The following PDGFD variants were observed in gnomAD, a reference collection of about 807,000 sequenced individuals.
PDGFD encodes the protein platelet-derived growth factor D.
Under a neutral mutation model 44.7 loss-of-function variants are expected in PDGFD, and 30 were observed. That is an observed-to-expected ratio of 0.67 (90% CI 0.50 to 0.91). PDGFD has a LOEUF of 0.91. Among genes scored for constraint, PDGFD ranks in the 40% least tolerant of loss-of-function variants. PDGFD has a pLI of 0.00. For synonymous variants in PDGFD, 173 were observed against 168.4 expected (o/e 1.03, Z -0.21); for missense variants, 445 against 457.8 (o/e 0.97, Z 0.25).
At chr11:104,100,371 G>T (rs184607812) in intron 1 of PDGFD, among the ~76,000 whole-genome samples, 12 of 152,244 alleles carry the variant, frequency 7.9e-5, no homozygotes, top group African/African-American at 1.9e-4. Context: ...TAGAAGAAAT[G>T]GATAAATTAC....
intron 1 of PDGFD, among the ~76,000 whole-genome samples, chr11:104,032,201 T>A (rs866560981): frequency 1.0e-3 from 150 of 149,240 alleles, no homozygotes; most frequent in African/African-American, 3.1e-3. Context: ...ACAACAAAAA[T>A]AATGAATAAA....
intron 1 of PDGFD, among the ~76,000 whole-genome samples, chr11:104,146,949 T>C (rs967926680): frequency 1.3e-5 from 2 of 148,420 alleles, no homozygotes; most frequent in East Asian, 2.0e-4. Context: ...ATAAATGATA[T>C]AATTTCAGGT....
chr11:104,143,993 CATCTT>C (rs68126122), intron 1 of PDGFD, among the ~76,000 whole-genome samples: 31,492 of 151,964 alleles, frequency 0.21, 3,273 homozygotes, highest in East Asian at 0.27. Context: ...GATGTCATCT[CATCTT>C]GGCTTCCAAC....
rs182526239 is a variant in PDGFD at position 104,034,215 on chromosome 11, C to G, written c.125-33960G>C. On this transcript the variant is annotated intron_variant, in intron 1 of 6. Transcript: ENST00000393158. ...CACTACTGTGGTATTTTTTACCCTT[C>G]AATTTGTGTGTGTGCATGTGCTCTA... Among the ~76,000 whole-genome samples the G allele has an allele frequency of 3.9e-5, 6 of 152,270 alleles. No homozygotes were observed. In the East Asian group the frequency reaches 1.2e-3, roughly 29 times the overall value.
intron 6 of PDGFD, among the ~76,000 whole-genome samples, chr11:103,911,043 T>C (rs4444041): frequency 0.46 from 69,424 of 151,824 alleles, 15,946 homozygotes; most frequent in South Asian, 0.49. Context: ...GATTCCTCCT[T>C]TTTGGGCAGG....
At chr11:103,953,774 G>A (rs1216804377) in intron 3 of PDGFD, among the ~76,000 whole-genome samples, 1 of 152,148 alleles carries the variant, frequency 6.6e-6, no homozygotes, top group Non-Finnish European at 1.5e-5. Flanking sequence ...TTCCCTGGTA[G>A]GAAATAAAAG....
rs577989229 is a variant in PDGFD, at chr11:104,132,272, C to T, written c.124+31532G>A. Among the ~76,000 whole-genome samples, 259 of 152,154 alleles carry T rather than the reference C, an allele frequency of 1.7e-3. 2 individuals are homozygous for T. The highest frequency in any genetic ancestry group is 6.0e-3 in the African/African-American group (248 of 41,526). ...AAGTTCTAATAAAAGTCACCTGAAA[C>T]CTTGCATATTTTTAAAAATTTGCAC... On this transcript the variant is annotated intron_variant, in intron 1 of 6. Transcript: ENST00000393158.
intron 1 of PDGFD, among the ~76,000 whole-genome samples, chr11:104,035,478 C>T (rs538030283): frequency 6.6e-6 from 1 of 150,944 alleles, no homozygotes; most frequent in Non-Finnish European, 1.5e-5. Flanking sequence ...CAAGAAGCCT[C>T]TTCCTTAAGT....
chr11:104,131,582 C>T lies in PDGFD; in HGVS notation c.124+32222G>A, dbSNP rs549910919. On this transcript the variant is annotated intron_variant, in intron 1 of 6. Transcript: ENST00000393158. ...CTACACCATAATAAGTATTCCAAAA[C>T]GTATTCATTAAAAGAATGATAAGTG... is the stretch of plus-strand genomic sequence containing the variant. Among the ~76,000 whole-genome samples, 87 of 152,128 alleles carry T rather than the reference C, an allele frequency of 5.7e-4. 1 individual carries two copies. The highest frequency in any genetic ancestry group is 1.1e-3 in the Non-Finnish European group (73 of 67,956).
chr11:103,955,311 T>C lies in PDGFD; in HGVS notation c.511-7587A>G, dbSNP rs1345358925. ...CATGACCCACTGAGGGAAATCCAAA[T>C]AAAGCCAAACTTGGAGGCCTGTGTC... is the stretch of plus-strand genomic sequence containing the variant. On this transcript the variant is annotated intron_variant, in intron 3 of 6. Coordinates refer to ENST00000393158, the MANE Select transcript of PDGFD (RefSeq NM_025208.5). Among the ~76,000 whole-genome samples, 7 of 149,116 alleles carry C rather than the reference T, an allele frequency of 4.7e-5. No homozygotes were observed. The East Asian group carries it at 8.5e-4, about 18-fold the overall frequency.
chr11:103,983,481 G>A (rs1227266593), intron 3 of PDGFD, among the ~76,000 whole-genome samples: 1 of 150,192 alleles, frequency 6.7e-6, no homozygotes, highest in Non-Finnish European at 1.5e-5. Context: ...AGACAACTTA[G>A]GCAATACCAT....
intron 1 of PDGFD, among the ~76,000 whole-genome samples, chr11:104,006,895 T>A (rs1205574141): frequency 1.3e-5 from 2 of 152,184 alleles, no homozygotes; most frequent in Non-Finnish European, 2.9e-5. Flanking sequence ...AACCTGATTC[T>A]TCCTGGATGC....
chr11:104,014,654 G>A (rs937039280), intron 1 of PDGFD, among the ~76,000 whole-genome samples: 5 of 152,156 alleles, frequency 3.3e-5, no homozygotes, highest in African/African-American at 1.2e-4. Context: ...ATGGGATTGT[G>A]TGTGCCTACA....
intron 1 of PDGFD, among the ~76,000 whole-genome samples, chr11:104,110,256 T>C (rs1861533044): frequency 6.6e-6 from 1 of 152,044 alleles, no homozygotes; most frequent in African/African-American, 2.4e-5. Context: ...AATGAGGCTC[T>C]TTCTATACAT....
chr11:103,971,418 C>G (rs1012320974), intron 3 of PDGFD, among the ~76,000 whole-genome samples: 4 of 152,066 alleles, frequency 2.6e-5, no homozygotes, highest in Non-Finnish European at 5.9e-5. Context: ...CTCTTTTAAC[C>G]ACTCATAAAT....
rs149111873 is a variant in PDGFD, at chr11:103,909,775, A to T, written c.1032T>A (p.Ala344=). Residue 344 remains alanine, a synonymous_variant, in exon 7 of 7, where the codon GCT becomes GCA. Coordinates refer to ENST00000393158, the MANE Select transcript of PDGFD (RefSeq NM_025208.5). The part of the protein sequence containing the change: ...EPGHIKRRGR[A]KTMALVDIQL... ...GGATGTCAACTAGAGCCATGGTCTT[A>T]GCTCTACCCCTCCTCTTGATGTGGC... 2.5e-6 allele frequency: 4 copies of T among 1,613,706 alleles called. No homozygotes were observed. In the African/African-American group the frequency reaches 5.3e-5, roughly 22 times the overall value.
At chr11:103,919,665 C>T (rs943516715) in intron 6 of PDGFD, among the ~76,000 whole-genome samples, 4 of 151,868 alleles carry the variant, frequency 2.6e-5, no homozygotes, top group East Asian at 1.9e-4. Context: ...CGTGCCACCA[C>T]GCCTGGCTAA....
chr11:104,051,580 G>A (rs563793664), intron 1 of PDGFD, among the ~76,000 whole-genome samples: 19 of 152,006 alleles, frequency 1.2e-4, no homozygotes, highest in African/African-American at 4.3e-4. Context: ...TAAGGTAGGT[G>A]ATTGTATAGT....
intron 6 of PDGFD, among the ~76,000 whole-genome samples, chr11:103,919,464 T>C (rs765199509): frequency 2.6e-5 from 4 of 151,716 alleles, no homozygotes; most frequent in Non-Finnish European, 5.9e-5. Context: ...GACAAATGCA[T>C]TATATAAACC....
Sources: gnomAD v4.1 joint callset for allele counts (sites outside exome capture counted in the v4.1 genomes callset) on GRCh38, gnomAD v4.1.1 for gene constraint, MANE v1.5 for transcripts, NCBI Gene and HGNC (gene_info 2026-07-23, HGNC 2026-07-21) for gene names.